Variants in KHDC3L observed in about 807,000 individuals in gnomAD.
The protein encoded by KHDC3L is KH domain-containing protein 3.
A neutral mutation model predicts 11.4 loss-of-function variants in KHDC3L; 6 were observed. The observed-to-expected ratio is 0.52, with a 90% CI of 0.29 to 1.03. KHDC3L has a LOEUF of 1.03. Among genes scored for constraint, KHDC3L ranks in the 50% least tolerant of loss-of-function variants. The pLI, the probability that KHDC3L is intolerant of heterozygous loss-of-function variation, is 0.09. For synonymous variants in KHDC3L, 127 were observed against 120.9 expected, an observed-to-expected ratio of 1.05 and a Z score of -0.33; for missense variants, 293 against 290.4, an observed-to-expected ratio of 1.01 and a Z score of -0.07.
Position 73,363,008 on chromosome 6 carries a change from C to T in KHDC3L, c.170-87C>T, listed in dbSNP as rs977043184. 1.9e-6 allele frequency: 3 copies of T among 1,595,172 alleles called. No individual in the cohort carries two copies. The African/African-American group carries it at 4.0e-5, about 21-fold the overall frequency. On this transcript the variant is annotated intron_variant, in intron 1 of 2. Transcript: ENST00000370367. The stretch of plus-strand genomic sequence containing the variant: ...GGGCGATCCTCACCAGTAGCCAATG[C>T]CCTCTGGCTGTCTCCTCCTTCCACC...
Position 73,363,645 on chromosome 6 carries a change from C to A in KHDC3L, c.439C>A (p.Arg147Ser), listed in dbSNP as rs746993238. The change falls in exon 3 of 3, where the codon CGT becomes AGT. Residue 147 changes from arginine to serine, a missense_variant. Physicochemically the swap from Arg to Ser is moderately radical, Grantham distance 110 (BLOSUM62 -1). Transcript: ENST00000370367. ...AGAAGTCCGGGAGGCCGGGACGCAGCGTTCGGTGGAGGTCCGGGAGGCCGG... is the reference window on the plus strand; with the variant it reads ...AGAAGTCCGGGAGGCCGGGACGCAGAGTTCGGTGGAGGTCCGGGAGGCCGG... ...SIEVREAGTQ[R>S]SVEVREAGTQ... is the part of the protein sequence containing the mutation. 5 of 1,612,798 alleles carry A rather than the reference C, an allele frequency of 3.1e-6. No individual in the cohort carries two copies. Among genetic ancestry groups the A allele is most frequent in the Non-Finnish European group, 3.4e-6 (4 of 1,179,314 alleles).
chr6:73,363,270 G>T lies in KHDC3L; in HGVS notation c.345G>T (p.Ala115=), dbSNP rs760286211. 28 of 1,613,950 alleles carry T rather than the reference G, an allele frequency of 1.7e-5. No homozygotes were observed. The highest frequency in any genetic ancestry group is 2.1e-5 in the Non-Finnish European group (25 of 1,180,020). Residue 115 remains alanine (A), a synonymous_variant, in exon 2 of 3, where the codon GCG becomes GCT. Transcript: ENST00000370367. ...NLADYHRQLQ[A]KGSGKALAQD... ...CTGACTATCACCGCCAGCTCCAGGC[G>T]AAAGGTACGGGGCTGGGAATAGGGC...
Position 73,363,605 on chromosome 6 carries a change from C to T in KHDC3L, c.399C>T (p.Thr133=), listed in dbSNP as rs773563196. The T allele has an allele frequency of 1.2e-6, 2 of 1,612,852 alleles. No individual in the cohort carries two copies. Among genetic ancestry groups the T allele is most frequent in the Non-Finnish European group, 8.5e-7 (1 of 1,179,946 alleles). ...AQDVATQKAE[T]QRSSIEVREA... ...ATGTCGCCACTCAGAAGGCCGAGAC[C>T]CAGCGGTCTTCAATAGAAGTCCGGG... Residue 133 remains threonine (T), a synonymous_variant, in exon 3 of 3, where the codon ACC becomes ACT. Transcript: ENST00000370367.
rs1227035080 is a variant in KHDC3L, at chr6:73,363,903, G to A, written c.*43G>A. On this transcript the variant is annotated 3_prime_UTR_variant, in exon 3 of 3. Transcript: ENST00000370367. ...GAGCCAGAGCCAGTCAGGGGTTAAA[G>A]TGAAAGCCCGTATTTCCGCCCAGAA... 4 of 1,586,962 alleles carry A rather than the reference G, an allele frequency of 2.5e-6. No individual in the cohort carries two copies. In the South Asian group the frequency reaches 3.3e-5, roughly 13 times the overall value.
In KHDC3L at chr6:73,363,170, A is replaced by T. The variant is rs199912037; in HGVS notation, c.245A>T (p.Asn82Ile). 697 of 1,614,138 alleles carry T rather than the reference A, an allele frequency of 4.3e-4. 6 individuals carry two copies. In the East Asian group the frequency reaches 8.5e-3, roughly 20 times the overall value. ...ILIHVNRLDP[N>I]GEAEILVFGR... ...ATTCACGTGAATCGATTGGACCCTA[A>T]CGGCGAGGCTGAGATCTTGGTATTT... is the stretch of plus-strand genomic sequence containing the variant. The change falls in exon 2 of 3, where the codon AAC becomes ATC. Residue 82 changes from asparagine to isoleucine, a missense_variant. Coordinates refer to ENST00000370367, the MANE Select transcript of KHDC3L (RefSeq NM_001017361.3).
At position 73,363,937 on chromosome 6, in the gene KHDC3L, T is replaced by C. The variant is rs1248803984; in HGVS notation, c.*77T>C. The stretch of plus-strand genomic sequence containing the variant: ...CGTATTTCCGCCCAGAAGCTGGGGT[T>C]GGGGAGAGGATGTGGATTTTTTGTT... On this transcript the variant is annotated 3_prime_UTR_variant, in exon 3 of 3. Coordinates refer to ENST00000370367, the MANE Select transcript of KHDC3L (RefSeq NM_001017361.3). The C allele has an allele frequency of 2.0e-6, 3 of 1,475,200 alleles. No homozygotes were observed. Among genetic ancestry groups the C allele is most frequent in the African/African-American group, 2.8e-5 (2 of 72,704 alleles). The allele number at this position is 1,475,200 out of a possible 1,614,324, so 91.4% of individuals were successfully genotyped here. A position where few individuals can be genotyped will look rare whatever the true frequency, so the allele number is the denominator to read the frequency against.
chr6:73,363,443 C>A, intron 2 of KHDC3L, 113 bp from the exon 3 acceptor site: 1 of 1,452,000 alleles, frequency 6.9e-7, no homozygotes, highest in Non-Finnish European at 9.5e-7. Flanking sequence ...CCAAATTGAA[C>A]CCTCGTTCTG....
At position 73,363,990 on chromosome 6, in the gene KHDC3L, C is replaced by A; in HGVS notation, c.*130C>A. 2 of 984,646 alleles carry A rather than the reference C, an allele frequency of 2.0e-6. No individual in the cohort carries two copies. Among genetic ancestry groups the A allele is most frequent in the Non-Finnish European group, 3.1e-6 (2 of 648,286 alleles). 61.0% of individuals were successfully genotyped at this position (984,646 alleles called of 1,614,324 possible). A position where few individuals can be genotyped will look rare whatever the true frequency, so the allele number is the denominator to read the frequency against. On this transcript the variant is annotated 3_prime_UTR_variant, in exon 3 of 3. Transcript: ENST00000370367. ...ACCCTTTCTGTTGCATGGTTGCAAA[C>A]ACAAACTTGAGTTCTAATAAAGAAT... is the stretch of plus-strand genomic sequence containing the variant.
At chr6:73,363,006 T>C (rs1240740064) in intron 1 of KHDC3L, 89 bp from the exon 2 acceptor site, 48 of 1,598,102 alleles carry the variant, frequency 3.0e-5, no homozygotes, top group Non-Finnish European at 3.9e-5. Context: ...CAGTAGCCAA[T>C]GCCCTCTGGC....
Position 73,362,791 on chromosome 6 carries a change from T to G in KHDC3L, c.62T>G (p.Val21Gly). ...VQLMQPKAMP[V>G]EVLGHLPKRF... Reference sequence around the variant, plus strand: ...CTGATGCAGCCAAAAGCAATGCCAGTGGAGGTGCTCGGTCACCTCCCTAAG... The same window carrying G: ...CTGATGCAGCCAAAAGCAATGCCAGGGGAGGTGCTCGGTCACCTCCCTAAG... Residue 21 changes from valine (V) to glycine (G), a missense_variant, in exon 1 of 3, where the codon GTG becomes GGG. Coordinates refer to ENST00000370367, the MANE Select transcript of KHDC3L (RefSeq NM_001017361.3). 1 of 1,614,160 alleles carries G rather than the reference T, an allele frequency of 6.2e-7. No homozygotes were observed. Among genetic ancestry groups the G allele is most frequent in the Non-Finnish European group, 8.5e-7 (1 of 1,179,980 alleles).
intron 2 of KHDC3L, 85 bp from the exon 3 acceptor site, chr6:73,363,471 T>G: frequency 6.6e-7 from 1 of 1,517,822 alleles, no homozygotes; most frequent in Non-Finnish European, 9.0e-7. Flanking sequence ...TGGCTCCTAC[T>G]CCCGCAGGCC....
chr6:73,364,130 T>A lies in KHDC3L; in HGVS notation c.*270T>A, dbSNP rs1325529617. 1.8e-6 allele frequency: 1 copy of A among 543,082 alleles called. No homozygotes were observed. Among genetic ancestry groups the A allele is most frequent in the East Asian group, 3.3e-5 (1 of 30,506 alleles). The allele number at this position is 543,082 out of a possible 1,614,324, so 33.6% of individuals were successfully genotyped here. Reference sequence around the variant, plus strand: ...TTGTTTTACACCTTCTGTTGAATGGTTGCCAACACAAACTTGAGTTCTAAT... The same window carrying A: ...TTGTTTTACACCTTCTGTTGAATGGATGCCAACACAAACTTGAGTTCTAAT... On this transcript the variant is annotated 3_prime_UTR_variant, in exon 3 of 3. Coordinates refer to ENST00000370367, the MANE Select transcript of KHDC3L (RefSeq NM_001017361.3).
Position 73,362,868 on chromosome 6 carries a change from CT to C in KHDC3L, c.141del (p.Glu48ArgfsTer26). 6.2e-7 allele frequency: 1 copy of C among 1,614,220 alleles called. No homozygotes were observed. Among genetic ancestry groups the C allele is most frequent in the Non-Finnish European group, 8.5e-7 (1 of 1,180,044 alleles). The part of the protein sequence containing the change: ...EFLKNPKVVR[L>X]EVWLVEKIFG... ...CCTGAAGAATCCGAAGGTAGTTCGC[CT>C]TGAGGTTTGGCTGGTGGAAAAGATC... On this transcript the variant is annotated frameshift_variant, in exon 1 of 3. Coordinates refer to ENST00000370367, the MANE Select transcript of KHDC3L (RefSeq NM_001017361.3). LOFTEE classifies it high-confidence loss of function.
chr6:73,363,641 G>C lies in KHDC3L; in HGVS notation c.435G>C (p.Thr145=), dbSNP rs1178317016. ...CAATAGAAGTCCGGGAGGCCGGGACGCAGCGTTCGGTGGAGGTCCGGGAGG... is the reference window on the plus strand; with the variant it reads ...CAATAGAAGTCCGGGAGGCCGGGACCCAGCGTTCGGTGGAGGTCCGGGAGG... ...RSSIEVREAG[T]QRSVEVREAG... Residue 145 remains threonine (T), a synonymous_variant, in exon 3 of 3, where the codon ACG becomes ACC. Transcript: ENST00000370367. 1 of 1,612,702 alleles carries C rather than the reference G, an allele frequency of 6.2e-7. No homozygotes were observed. Among genetic ancestry groups the C allele is most frequent in the Non-Finnish European group, 8.5e-7 (1 of 1,179,318 alleles).
intron 2 of KHDC3L, 102 bp downstream of exon 2, chr6:73,363,376 G>T: frequency 1.3e-6 from 2 of 1,485,110 alleles, no homozygotes; most frequent in Non-Finnish European, 1.9e-6. Flanking sequence ...CCTCCCAGTC[G>T]GCCTGCGGTT....
At chr6:73,363,511 A>G in intron 2 of KHDC3L, 45 bp from the exon 3 acceptor site, 1 of 1,586,584 alleles carries the variant, frequency 6.3e-7, no homozygotes. Context: ...TTTGGAGAGG[A>G]TATAGAGACA....
rs962515507 is a variant in KHDC3L at position 73,363,397 on chromosome 6, G to C, written c.349+123G>C. The C allele has an allele frequency of 2.1e-6, 3 of 1,415,538 alleles. No individual in the cohort carries two copies. In the African/African-American group the frequency reaches 4.2e-5, roughly 20 times the overall value. The allele number at this position is 1,415,538 out of a possible 1,614,324, so 87.7% of individuals were successfully genotyped here. A position where few individuals can be genotyped will look rare whatever the true frequency, so the allele number is the denominator to read the frequency against. ...AGTCGGCCTGCGGTTGGTGGGTGGG[G>C]GAGGGGGCGGTTCTCGCTGCCACGG... On this transcript the variant is annotated intron_variant, in intron 2 of 2. Transcript: ENST00000370367.
At chr6:73,363,514 TA>T (rs1469773249) in intron 2 of KHDC3L, 41 bp from the exon 3 acceptor site, 1 of 1,589,274 alleles carries the variant, frequency 6.3e-7, no homozygotes, top group Non-Finnish European at 8.5e-7. Flanking sequence ...GGAGAGGATA[TA>T]GAGACACAGC....
rs1768918726 is a variant in KHDC3L at position 73,364,002 on chromosome 6, T to G, written c.*142T>G. 14 of 914,394 alleles carry G rather than the reference T, an allele frequency of 1.5e-5. No individual in the cohort carries two copies. The South Asian group carries it at 2.0e-4, about 13-fold the overall frequency. The allele number at this position is 914,394 out of a possible 1,614,324, so 56.6% of individuals were successfully genotyped here. A position where few individuals can be genotyped will look rare whatever the true frequency, so the allele number is the denominator to read the frequency against. On this transcript the variant is annotated 3_prime_UTR_variant, in exon 3 of 3. Transcript: ENST00000370367. ...GCATGGTTGCAAACACAAACTTGAGTTCTAATAAAGAATTGCAAAGTGGAA... is the reference window on the plus strand; with the variant it reads ...GCATGGTTGCAAACACAAACTTGAGGTCTAATAAAGAATTGCAAAGTGGAA...
Sources: allele counts gnomAD v4.1 joint callset, GRCh38; gene constraint gnomAD v4.1.1; transcripts MANE v1.5; gene names NCBI Gene and HGNC (gene_info 2026-07-23, HGNC 2026-07-21).